Variants in ROCK1 observed in about 807,000 individuals in gnomAD.
ROCK1 encodes the protein Rho associated coiled-coil containing protein kinase 1.
A neutral mutation model predicts 196.8 loss-of-function variants in ROCK1; 36 were observed. That is an observed-to-expected ratio of 0.18 (90% CI 0.14 to 0.24). The LOEUF (loss-of-function observed/expected upper bound fraction) is 0.24. Among genes scored for constraint, ROCK1 ranks in the 10% least tolerant of loss-of-function variants. The pLI is 1.00. For synonymous variants in ROCK1, 443 were observed against 515.9 expected (o/e 0.86, Z 1.91); for missense variants, 920 against 1,562.0 (o/e 0.59, Z 6.93).
chr18:21,102,681 G>A (rs1598564113), intron 1 of ROCK1, among the ~76,000 whole-genome samples: 1 of 152,150 alleles, frequency 6.6e-6, no homozygotes, highest in East Asian at 1.9e-4. Flanking sequence ...TGGGCAACAT[G>A]GCAAAACCCC....
intron 16 of ROCK1, among the ~76,000 whole-genome samples, chr18:20,994,163 A>G (rs2035650507): frequency 2.0e-5 from 3 of 152,216 alleles, no homozygotes; most frequent in Admixed American, 6.5e-5. Context: ...AGATATTTTC[A>G]TGTTGCAGTA....
At position 20,949,612 on chromosome 18, in the gene ROCK1, G is replaced by A. The variant is rs979052740; in HGVS notation, c.*1772C>T. On this transcript the variant is annotated 3_prime_UTR_variant, in exon 33 of 33. Coordinates refer to ENST00000399799, the MANE Select transcript of ROCK1 (RefSeq NM_005406.3). ...CTTGGAAAAGATAGTCAAAAGAAAG[G>A]TTGTCAGAGCCTCTGCTTCCCTGAT... The A allele has an allele frequency of 6.6e-6, 1 of 152,222 alleles. No homozygotes were observed. Among genetic ancestry groups the A allele is most frequent in the Non-Finnish European group, 1.5e-5 (1 of 68,044 alleles). 9.4% of individuals were successfully genotyped at this position (152,222 alleles called of 1,614,324 possible). A position where few individuals can be genotyped will look rare whatever the true frequency, so the allele number is the denominator to read the frequency against.
intron 22 of ROCK1, 63 bp from the exon 23 acceptor site, chr18:20,970,576 A>G (rs1239538584): frequency 2.8e-5 from 31 of 1,105,120 alleles, no homozygotes; most frequent in Non-Finnish European, 3.8e-5. Context: ...CAACTTAATC[A>G]TATTCTTAAA....
Position 20,991,163 on chromosome 18 carries a change from A to C in ROCK1, c.2143+13T>G. The stretch of plus-strand genomic sequence containing the variant: ...AAAGTCAATTTTGTAAAAATATTAA[A>C]ACTGACACTTACCACACATTGCCAC... On this transcript the variant is annotated intron_variant, in intron 18 of 32. Transcript: ENST00000399799. The C allele has an allele frequency of 6.4e-7, 1 of 1,570,450 alleles. No individual in the cohort carries two copies. Among genetic ancestry groups the C allele is most frequent in the Non-Finnish European group, 8.6e-7 (1 of 1,165,738 alleles).
chr18:21,108,034 AAC>A (rs1456131351), intron 1 of ROCK1, among the ~76,000 whole-genome samples: 2 of 152,102 alleles, frequency 1.3e-5, no homozygotes, highest in Admixed American at 1.3e-4. Flanking sequence ...CAGCCTGGGC[AAC>A]AGAGTGAGAT....
intron 29 of ROCK1, among the ~76,000 whole-genome samples, chr18:20,959,081 TA>T: frequency 2.1e-4 from 8 of 38,088 alleles, no homozygotes; most frequent in African/African-American, 1.3e-3. Context: ...ATATAATATA[TA>T]TATTTTATAT....
intron 1 of ROCK1, among the ~76,000 whole-genome samples, chr18:21,103,745 A>C (rs908548464): frequency 6.6e-6 from 1 of 152,204 alleles, no homozygotes; most frequent in Non-Finnish European, 1.5e-5. Flanking sequence ...GGCCTATCAT[A>C]GAATTTTCAG....
intron 21 of ROCK1, 130 bp downstream of exon 21, chr18:20,982,633 A>C (rs919077424): frequency 7.6e-6 from 4 of 529,736 alleles, no homozygotes; most frequent in Non-Finnish European, 1.0e-5. Flanking sequence ...AAAAGCAGAA[A>C]AGTCACAATG....
chr18:21,042,147 A>G lies in ROCK1; in HGVS notation c.909T>C (p.Asn303=). The G allele has an allele frequency of 1.2e-6, 2 of 1,605,762 alleles. No homozygotes were observed. The highest frequency in any genetic ancestry group is 1.7e-6 in the Non-Finnish European group (2 of 1,177,166). ...HKNSLTFPDD[N]DISKEAKNLI... is the part of the protein sequence containing the mutation. Reference sequence around the variant, plus strand: ...GGTTTTTTGCTTCTTTTGATATGTCATTATCATCAGGAAAGGTAAGTGAAT... The same window carrying G: ...GGTTTTTTGCTTCTTTTGATATGTCGTTATCATCAGGAAAGGTAAGTGAAT... The change falls in exon 8 of 33, where the codon AAT becomes AAC. Residue 303 remains asparagine, a synonymous_variant. Transcript: ENST00000399799.
At chr18:21,095,495 T>C (rs2036605854) in intron 1 of ROCK1, among the ~76,000 whole-genome samples, 1 of 152,148 alleles carries the variant, frequency 6.6e-6, no homozygotes, top group Admixed American at 6.5e-5. Context: ...ATACGGTACA[T>C]ATACACAATG....
At chr18:21,016,570 C>T (rs757005596) in intron 12 of ROCK1, among the ~76,000 whole-genome samples, 2 of 152,154 alleles carry the variant, frequency 1.3e-5, no homozygotes, top group Non-Finnish European at 2.9e-5. Flanking sequence ...ATATATGCAA[C>T]ATTTTCACGT....
At position 20,969,189 on chromosome 18, in the gene ROCK1, A is replaced by T; in HGVS notation, c.2840T>A (p.Met947Lys). Reference sequence around the variant, plus strand: ...TAATATTTCAATATCTTTGGTTAGCATGCTGTTTGCTTCTTCAAGCTAAAC... The same window carrying T: ...TAATATTTCAATATCTTTGGTTAGCTTGCTGTTTGCTTCTTCAAGCTAAAC... Reference protein sequence around the residue: ...TVSRLEEANSMLTKDIEILRR... With the variant: ...TVSRLEEANSKLTKDIEILRR... Residue 947 changes from methionine (M) to lysine (K), a missense_variant, in exon 24 of 33, where the codon ATG becomes AAG. Around this residue, in one of 6 missense-constraint regions of ROCK1, gnomAD observed 520 missense variants for 657.1 expected, o/e 0.79. Coordinates refer to ENST00000399799, the MANE Select transcript of ROCK1 (RefSeq NM_005406.3). The T allele has an allele frequency of 6.2e-7, 1 of 1,602,550 alleles. No homozygotes were observed. Among genetic ancestry groups the T allele is most frequent in the Non-Finnish European group, 8.5e-7 (1 of 1,177,542 alleles).
rs1440076439 is a variant in ROCK1, at chr18:20,980,597, C to A, written c.2560-593G>T. Among the ~76,000 whole-genome samples, 3 of 152,108 alleles carry A rather than the reference C, an allele frequency of 2.0e-5. 1 individual carries two copies. The highest frequency in any genetic ancestry group is 4.4e-5 in the Non-Finnish European group (3 of 68,020). On this transcript the variant is annotated intron_variant, in intron 21 of 32. Transcript: ENST00000399799. ...TTGTCAAAATTTACTAACCAGTACACTTAAAATGGGTATATTATATAGAAA... is the reference window on the plus strand; with the variant it reads ...TTGTCAAAATTTACTAACCAGTACAATTAAAATGGGTATATTATATAGAAA...
At chr18:21,036,066 T>C (rs929027656) in intron 9 of ROCK1, among the ~76,000 whole-genome samples, 2 of 152,236 alleles carry the variant, frequency 1.3e-5, no homozygotes, top group Non-Finnish European at 2.9e-5. Flanking sequence ...ATCTTATGCA[T>C]ACTTTATCAC....
intron 1 of ROCK1, among the ~76,000 whole-genome samples, chr18:21,110,144 A>C (rs1331961985): frequency 1.3e-5 from 2 of 152,226 alleles, no homozygotes; most frequent in Non-Finnish European, 2.9e-5. Context: ...ATGTTTTACA[A>C]GTGACAATGT....
At chr18:21,017,865 C>T (rs561753487) in intron 12 of ROCK1, among the ~76,000 whole-genome samples, 3 of 151,412 alleles carry the variant, frequency 2.0e-5, no homozygotes, top group South Asian at 2.1e-4. Flanking sequence ...CCCAGCTACT[C>T]GGGAGGCTGA....
At chr18:21,090,022 A>G (rs9950940) in intron 1 of ROCK1, among the ~76,000 whole-genome samples, 1,537 of 152,312 alleles carry the variant, frequency 0.01, 20 homozygotes, top group African/African-American at 0.036. Flanking sequence ...AGAATCTGAA[A>G]TTATATCAAT....
At chr18:21,039,421 A>G (rs751012600) in intron 9 of ROCK1, 51 bp downstream of exon 9, 1 of 1,332,612 alleles carries the variant, frequency 7.5e-7, no homozygotes, top group Non-Finnish European at 1.1e-6. Context: ...ACAAACTACC[A>G]CAACTACTTT....
intron 1 of ROCK1, among the ~76,000 whole-genome samples, chr18:21,108,624 T>C (rs1044496967): frequency 1.3e-5 from 2 of 152,360 alleles, no homozygotes; most frequent in South Asian, 2.1e-4. Flanking sequence ...CATCTGACTA[T>C]TGCCTCTCTC....
Sources: allele counts gnomAD v4.1 joint callset (sites outside exome capture counted in the v4.1 genomes callset), GRCh38; gene constraint gnomAD v4.1.1; regional missense constraint gnomAD v4.1.1; transcripts MANE v1.5; gene names NCBI Gene and HGNC (gene_info 2026-07-23, HGNC 2026-07-21).